Variants in PRRG4 observed in about 807,000 individuals in gnomAD.
PRRG4 encodes the protein transmembrane gamma-carboxyglutamic acid protein 4.
PRRG4 carries 12 observed loss-of-function variants against 20.0 expected under a neutral mutation model. That is an observed-to-expected ratio of 0.60 (90% CI 0.38 to 0.97). The LOEUF (loss-of-function observed/expected upper bound fraction) is 0.97. Among genes scored for constraint, PRRG4 ranks in the 50% least tolerant of loss-of-function variants. The probability of loss-of-function intolerance (pLI) is 0.00; values close to 1 mark genes in which losing one functional copy is unlikely to be tolerated. For missense variants in PRRG4, 199 were observed against 265.1 expected (o/e 0.75, Z 1.73); for synonymous variants, 94 against 96.4 (o/e 0.98, Z 0.15).
chr11:32,831,814 A>T (rs1243567134), intron 2 of PRRG4, among the ~76,000 whole-genome samples: 1 of 152,064 alleles, frequency 6.6e-6, no homozygotes, highest in Admixed American at 6.6e-5. Flanking sequence ...TGCGGTCAGG[A>T]GTTCGAGACC....
intron 2 of PRRG4, among the ~76,000 whole-genome samples, chr11:32,832,605 C>T (rs906161117): frequency 2.0e-5 from 3 of 151,816 alleles, no homozygotes; most frequent in East Asian, 1.9e-4. Flanking sequence ...TTCAGCCTCC[C>T]GAGTAGCTGG....
chr11:32,839,224 T>G (rs937453142), intron 4 of PRRG4, among the ~76,000 whole-genome samples: 1 of 152,240 alleles, frequency 6.6e-6, no homozygotes, highest in Non-Finnish European at 1.5e-5. Context: ...ATTCTATTCA[T>G]TTCAAGATGT....
At position 32,838,688 on chromosome 11, in the gene PRRG4, T is replaced by C. The variant is rs905990938; in HGVS notation, c.268-194T>C. ...GGACTGGCAGTAATCCCTTGACAAT[T>C]AGAGAGATGGCAGAGGCAGCTGTGG... is the stretch of plus-strand genomic sequence containing the variant. On this transcript the variant is annotated intron_variant, in intron 3 of 5. Coordinates refer to ENST00000257836, the MANE Select transcript of PRRG4 (RefSeq NM_024081.6). Among the ~76,000 whole-genome samples the C allele has an allele frequency of 5.3e-5, 8 of 152,168 alleles. No homozygotes were observed. In the South Asian group the frequency reaches 1.7e-3, roughly 32 times the overall value.
In PRRG4 at chr11:32,840,034, A is replaced by T; in HGVS notation, c.317-73A>T. The stretch of plus-strand genomic sequence containing the variant: ...GCTGTATAATGTGTTTAGAACCAGG[A>T]TTAAATTTGTTGAAATCATAGGTGA... On this transcript the variant is annotated intron_variant, in intron 4 of 5. Coordinates refer to ENST00000257836, the MANE Select transcript of PRRG4 (RefSeq NM_024081.6). This position sits in a 1 kb window ranked among gnomAD's most constrained non-coding sequence, Gnocchi z 4.1. 1 of 1,140,144 alleles carries T rather than the reference A, an allele frequency of 8.8e-7. No individual in the cohort carries two copies. Among genetic ancestry groups the T allele is most frequent in the Non-Finnish European group, 1.3e-6 (1 of 767,542 alleles). The allele number at this position is 1,140,144 out of a possible 1,614,324, so 70.6% of individuals were successfully genotyped here.
chr11:32,830,632 G>C lies in PRRG4; in HGVS notation c.103G>C (p.Val35Leu), dbSNP rs979403442. Residue 35 changes from valine to leucine, a missense_variant and splice_region_variant, in exon 2 of 6, where the codon GTG becomes CTG. Physicochemically the swap from Val to Leu is conservative, Grantham distance 32. Transcript: ENST00000257836. ...PKASKHAGEEVFTSKEEANFF... is the reference protein window; with the variant it reads ...PKASKHAGEELFTSKEEANFF... ...GGCTTCTAAGCATGCGGGAGAAGAA[G>C]GTAAGCACTAAAACGTCCCTGGAAC... 1 of 1,613,892 alleles carries C rather than the reference G, an allele frequency of 6.2e-7. No homozygotes were observed. Among genetic ancestry groups the C allele is most frequent in the Non-Finnish European group, 8.5e-7 (1 of 1,179,978 alleles).
chr11:32,832,027 T>C (rs1850977008), intron 2 of PRRG4, among the ~76,000 whole-genome samples: 1 of 151,846 alleles, frequency 6.6e-6, no homozygotes, highest in Admixed American at 6.6e-5. Flanking sequence ...AATAAATAAA[T>C]AAAAGACAGT....
chr11:32,830,395 G>A (rs1214872071), intron 1 of PRRG4, 113 bp from the exon 2 acceptor site: 7 of 966,838 alleles, frequency 7.2e-6, no homozygotes, highest in Non-Finnish European at 9.7e-6. Context: ...CGCGCGCCGG[G>A]CGCTCTTGCG....
Position 32,856,258 on chromosome 11 carries a change from C to T in PRRG4, c.*2731C>T, listed in dbSNP as rs1223106601. ...AGCTTCAGAACCTGTGAGAACCCCA[C>T]CCCACCCAAGCAGCTGCCTAGATTT... On this transcript the variant is annotated 3_prime_UTR_variant, in exon 6 of 6. Coordinates refer to ENST00000257836, the MANE Select transcript of PRRG4 (RefSeq NM_024081.6). 1 of 152,126 alleles carries T rather than the reference C, an allele frequency of 6.6e-6. No individual in the cohort carries two copies. The highest frequency in any genetic ancestry group is 1.5e-5 in the Non-Finnish European group (1 of 68,050). The allele number at this position is 152,126 out of a possible 1,614,324, so 9.4% of individuals were successfully genotyped here. A position where few individuals can be genotyped will look rare whatever the true frequency, so the allele number is the denominator to read the frequency against.
intron 5 of PRRG4, among the ~76,000 whole-genome samples, chr11:32,852,939 A>AT (rs34615143): frequency 0.011 from 1,089 of 99,124 alleles, 19 homozygotes; most frequent in African/African-American, 0.037. Flanking sequence ...TGCCCGGCTA[A>AT]TTTTTTTTTT....
intron 2 of PRRG4, among the ~76,000 whole-genome samples, chr11:32,831,263 A>C (rs1179077755): frequency 1.3e-5 from 2 of 151,488 alleles, no homozygotes; most frequent in African/African-American, 4.8e-5. Context: ...ACCTAGTAAA[A>C]CCAGAAGAAA....
At chr11:32,837,515 AT>A (rs1851031446) in intron 3 of PRRG4, among the ~76,000 whole-genome samples, 4 of 91,138 alleles carry the variant, frequency 4.4e-5, no homozygotes, top group Non-Finnish European at 6.7e-5. Flanking sequence ...TGAGATGATG[AT>A]GATGATGATG....
chr11:32,850,041 G>A (rs1239048262), intron 5 of PRRG4, among the ~76,000 whole-genome samples: 1 of 152,192 alleles, frequency 6.6e-6, no homozygotes, highest in Non-Finnish European at 1.5e-5. Context: ...TCCACAAGCT[G>A]GGAGTAATCC....
Position 32,853,692 on chromosome 11 carries a change from A to G in PRRG4, c.*165A>G, listed in dbSNP as rs1851205083. The G allele has an allele frequency of 3.5e-6, 2 of 565,828 alleles. No homozygotes were observed. Among genetic ancestry groups the G allele is most frequent in the South Asian group, 2.0e-5 (1 of 50,040 alleles). The allele number at this position is 565,828 out of a possible 1,614,324, so 35.1% of individuals were successfully genotyped here. A position where few individuals can be genotyped will look rare whatever the true frequency, so the allele number is the denominator to read the frequency against. ...AAAATTCAAAAATTACCTAGGCGTC[A>G]TGGGGCATGCCTGTAGTCCCACCTA... On this transcript the variant is annotated 3_prime_UTR_variant, in exon 6 of 6. Transcript: ENST00000257836.
At chr11:32,832,238 C>T (rs112304528) in intron 2 of PRRG4, among the ~76,000 whole-genome samples, 2,728 of 152,218 alleles carry the variant, frequency 0.018, 84 homozygotes, top group African/African-American at 0.06. Context: ...AGACTGCAAT[C>T]TCTGCCCTGG....
chr11:32,849,524 C>T (rs1453615520), intron 5 of PRRG4, among the ~76,000 whole-genome samples: 4 of 151,232 alleles, frequency 2.6e-5, no homozygotes, highest in South Asian at 4.2e-4. Flanking sequence ...ATTAGCCAGG[C>T]GTGGTGGTGC....
At chr11:32,842,736 T>TAAG (rs1203590080) in intron 5 of PRRG4, among the ~76,000 whole-genome samples, 2 of 152,020 alleles carry the variant, frequency 1.3e-5, no homozygotes, top group Admixed American at 6.6e-5. Flanking sequence ...ATTAATTAAT[T>TAAG]AATTAAAAAC....
intron 5 of PRRG4, among the ~76,000 whole-genome samples, chr11:32,852,939 ATTTTTTT>A (rs34615143): frequency 2.0e-5 from 2 of 99,122 alleles, no homozygotes; most frequent in Non-Finnish European, 3.8e-5. Flanking sequence ...TGCCCGGCTA[ATTTTTTT>A]TTTTTTTTTT....
intron 2 of PRRG4, among the ~76,000 whole-genome samples, chr11:32,831,763 G>C (rs1418912118): frequency 1.3e-5 from 2 of 152,142 alleles, no homozygotes; most frequent in Non-Finnish European, 2.9e-5. Context: ...GCTCACACCT[G>C]TAATCCTAGC....
At chr11:32,838,190 C>T (rs1353166595) in intron 3 of PRRG4, among the ~76,000 whole-genome samples, 1 of 152,182 alleles carries the variant, frequency 6.6e-6, no homozygotes, top group Admixed American at 6.5e-5. Context: ...GGCACAGTGG[C>T]TCATGCTTGT....
Sources: gnomAD v4.1 joint callset for allele counts (sites outside exome capture counted in the v4.1 genomes callset) on GRCh38, gnomAD v4.1.1 for gene constraint, Gnocchi (gnomAD v3.1) non-coding constraint, MANE v1.5 for transcripts, NCBI Gene and HGNC (gene_info 2026-07-23, HGNC 2026-07-21) for gene names.